The following CHRM3 variants were observed in gnomAD, a reference collection of about 807,000 sequenced individuals.
CHRM3 encodes muscarinic acetylcholine receptor M3.
Under a neutral mutation model 41.8 loss-of-function variants are expected in CHRM3, and 11 were observed. The observed-to-expected ratio is 0.26, with a 90% confidence interval of 0.17 to 0.44. The LOEUF (loss-of-function observed/expected upper bound fraction) is 0.44, where lower values mean the gene tolerates loss of function less well. Ranked by LOEUF, CHRM3 falls within the 20% of genes least tolerant of loss-of-function variation. The probability of loss-of-function intolerance (pLI) is 1.00; values close to 1 mark genes in which losing one functional copy is unlikely to be tolerated. For missense variants in CHRM3, 571 were observed against 745.4 expected, an observed-to-expected ratio of 0.77 and a Z score of 2.72; for synonymous variants, 297 against 301.4, an observed-to-expected ratio of 0.99 and a Z score of 0.15.
chr1:239,589,499 A>G (rs1663834949), intron 3 of CHRM3, among the ~76,000 whole-genome samples: 1 of 150,202 alleles, frequency 6.7e-6, no homozygotes, highest in African/African-American at 2.4e-5. Flanking sequence ...GTTTTATGTA[A>G]TTTTCATGCA....
chr1:239,638,532 C>T (rs1473753163), intron 4 of CHRM3, among the ~76,000 whole-genome samples: 4 of 152,138 alleles, frequency 2.6e-5, no homozygotes, highest in Non-Finnish European at 5.9e-5. Flanking sequence ...AGCATTTTTT[C>T]ATGTGTTTTT....
chr1:239,572,176 G>A (rs1240037032), intron 3 of CHRM3, among the ~76,000 whole-genome samples: 2 of 152,160 alleles, frequency 1.3e-5, no homozygotes, highest in East Asian at 1.9e-4. Flanking sequence ...ATATGCAGGG[G>A]AATCCAGATG....
At chr1:239,480,483 G>A (rs1322991991) in intron 1 of CHRM3, among the ~76,000 whole-genome samples, 1 of 151,398 alleles carries the variant, frequency 6.6e-6, no homozygotes, top group Non-Finnish European at 1.5e-5. Context: ...CCTCCTGTGT[G>A]GCAGGTAATG....
At chr1:239,580,733 A>AC (rs1491191644) in intron 3 of CHRM3, among the ~76,000 whole-genome samples, 8 of 141,892 alleles carry the variant, frequency 5.6e-5, no homozygotes, top group African/African-American at 2.1e-4. Flanking sequence ...ACACACACAC[A>AC]AGTGCATATA....
rs564867834 is a variant in CHRM3 at position 239,901,374 on chromosome 1, G to A, written c.-19-6059G>A. Among the ~76,000 whole-genome samples, 57 of 151,424 alleles carry A rather than the reference G, an allele frequency of 3.8e-4. 1 individual carries two copies. In the South Asian group the frequency reaches 7.7e-3, roughly 21 times the overall value. ...CATTCGGGACATTACAGATTGAGCTGAAGTCTTCTTTGTCCATCACCCTCA... is the reference window on the plus strand; with the variant it reads ...CATTCGGGACATTACAGATTGAGCTAAAGTCTTCTTTGTCCATCACCCTCA... On this transcript the variant is annotated intron_variant, in intron 6 of 6. Transcript: ENST00000676153.
chr1:239,638,318 C>G (rs373401527), intron 4 of CHRM3, among the ~76,000 whole-genome samples: 3,637 of 151,794 alleles, frequency 0.024, 50 homozygotes, highest in Non-Finnish European at 0.034. Flanking sequence ...TCTAGTTCTA[C>G]ATCCCTGAGG....
At chr1:239,505,081 G>C (rs1477915955) in intron 2 of CHRM3, among the ~76,000 whole-genome samples, 1 of 151,998 alleles carries the variant, frequency 6.6e-6, no homozygotes, top group East Asian at 1.9e-4. Flanking sequence ...AGTTTAATAA[G>C]AACTAAAAAC....
intron 3 of CHRM3, among the ~76,000 whole-genome samples, chr1:239,567,877 G>A (rs914058176): frequency 3.9e-5 from 6 of 152,140 alleles, no homozygotes; most frequent in Non-Finnish European, 8.8e-5. Context: ...TTGTTTGGTG[G>A]CTTTCTCTGG....
chr1:239,590,075 G>C, intron 3 of CHRM3, among the ~76,000 whole-genome samples: 1 of 151,962 alleles, frequency 6.6e-6, no homozygotes, highest in South Asian at 2.1e-4. Context: ...TAAAATCGTG[G>C]CTGTGATGGA....
intron 3 of CHRM3, among the ~76,000 whole-genome samples, chr1:239,606,865 G>A (rs1307936178): frequency 6.6e-6 from 1 of 151,990 alleles, no homozygotes; most frequent in Non-Finnish European, 1.5e-5. Context: ...ATTCTCCTAA[G>A]GCCATCCAAA....
chr1:239,643,475 G>T lies in CHRM3; in HGVS notation c.-250+11189G>T, dbSNP rs566005648. 2.0e-5 allele frequency among the ~76,000 whole-genome samples: 3 copies of T among 152,334 alleles called. No homozygotes were observed. In the East Asian group the frequency reaches 5.8e-4, roughly 29 times the overall value. On this transcript the variant is annotated intron_variant, in intron 4 of 6. Coordinates refer to ENST00000676153, the MANE Select transcript of CHRM3 (RefSeq NM_001375978.1). ...ACCTAAGCAAGCCTGGGCAATGGTG[G>T]GCGCCCCTCCCCCAGCCGCGCTGCC...
At chr1:239,519,297 GAAACT>G (rs1669472106) in intron 2 of CHRM3, among the ~76,000 whole-genome samples, 1 of 152,020 alleles carries the variant, frequency 6.6e-6, no homozygotes, top group Admixed American at 6.5e-5. Context: ...GCTCCTCTAG[GAAACT>G]AAACTAAAAT....
intron 3 of CHRM3, among the ~76,000 whole-genome samples, chr1:239,630,080 T>C (rs987233867): frequency 6.6e-6 from 1 of 152,226 alleles, no homozygotes; most frequent in African/African-American, 2.4e-5. Context: ...TTTCTGAATC[T>C]GATACTAGAG....
intron 5 of CHRM3, among the ~76,000 whole-genome samples, chr1:239,686,196 T>C (rs1056469984): frequency 5.3e-5 from 8 of 152,170 alleles, no homozygotes; most frequent in Non-Finnish European, 1.0e-4. Flanking sequence ...GGACTTCTGT[T>C]ACTCACTACC....
chr1:239,620,521 A>G (rs961938059), intron 3 of CHRM3, among the ~76,000 whole-genome samples: 3 of 152,172 alleles, frequency 2.0e-5, no homozygotes, highest in African/African-American at 7.2e-5. Context: ...AGGGAGAGAG[A>G]GAGAATATCC....
At chr1:239,641,140 T>C (rs879192344) in intron 4 of CHRM3, among the ~76,000 whole-genome samples, 1 of 152,224 alleles carries the variant, frequency 6.6e-6, no homozygotes, top group Non-Finnish European at 1.5e-5. Context: ...CAGTTTGTTA[T>C]AATTTCTGTT....
intron 5 of CHRM3, among the ~76,000 whole-genome samples, chr1:239,796,885 T>A (rs747938551): frequency 6.6e-6 from 1 of 152,244 alleles, no homozygotes; most frequent in East Asian, 1.9e-4. Context: ...TATCTACTAT[T>A]CCACTCACTA....
At chr1:239,721,439 A>G (rs776362960) in intron 5 of CHRM3, among the ~76,000 whole-genome samples, 2 of 152,028 alleles carry the variant, frequency 1.3e-5, no homozygotes, top group East Asian at 1.9e-4. Flanking sequence ...TGGCAATTCT[A>G]TTGAGCAACA....
chr1:239,814,791 T>C (rs963440172), intron 5 of CHRM3, among the ~76,000 whole-genome samples: 32 of 152,136 alleles, frequency 2.1e-4, no homozygotes, highest in Non-Finnish European at 4.3e-4. Flanking sequence ...ATTTATTTGT[T>C]TTCTTTTTTG....
Sources: allele counts gnomAD v4.1 joint callset (sites outside exome capture counted in the v4.1 genomes callset), GRCh38; gene constraint gnomAD v4.1.1; transcripts MANE v1.5; gene names NCBI Gene and HGNC (gene_info 2026-07-23, HGNC 2026-07-21).